Variants in NDUFA13 observed in about 807,000 individuals in gnomAD.
NDUFA13 encodes the protein NADH dehydrogenase [ubiquinone] 1 alpha subcomplex subunit 13.
Under a neutral mutation model 17.0 loss-of-function variants are expected in NDUFA13, and 16 were observed. The observed-to-expected ratio is 0.94, with a 90% CI of 0.64 to 1.43. The LOEUF (loss-of-function observed/expected upper bound fraction) is 1.43. Among genes scored for constraint, NDUFA13 ranks in the 40% most tolerant of loss-of-function variants. The pLI is 0.00. For missense variants in NDUFA13, 228 were observed against 206.7 expected (o/e 1.10, Z -0.63); for synonymous variants, 87 against 78.4 (o/e 1.11, Z -0.58).
At chr19:19,519,331 G>A (rs980575151) in intron 1 of NDUFA13, among the ~76,000 whole-genome samples, 8 of 152,130 alleles carry the variant, frequency 5.3e-5, no homozygotes, top group African/African-American at 1.9e-4. Flanking sequence ...GGCTCCCTGA[G>A]CTCCCTGCTT....
chr19:19,524,862 T>C (rs1431856632), intron 1 of NDUFA13, among the ~76,000 whole-genome samples: 1 of 151,650 alleles, frequency 6.6e-6, no homozygotes, highest in Non-Finnish European at 1.5e-5. Flanking sequence ...CTGGGCAATA[T>C]AGCAAGACCC....
At chr19:19,519,825 C>A (rs1471915542) in intron 1 of NDUFA13, among the ~76,000 whole-genome samples, 1 of 152,158 alleles carries the variant, frequency 6.6e-6, no homozygotes, top group Non-Finnish European at 1.5e-5. Flanking sequence ...CAGTGGCCTT[C>A]CCACCAGACC....
chr19:19,516,792 AT>A (rs939243345), intron 1 of NDUFA13, among the ~76,000 whole-genome samples: 29 of 147,994 alleles, frequency 2.0e-4, no homozygotes, highest in African/African-American at 3.4e-4. Flanking sequence ...TAAATTTTCA[AT>A]TTTTTTTTTT....
At position 19,528,000 on chromosome 19, in the gene NDUFA13, C is replaced by A; in HGVS notation, c.316-7C>A. On this transcript the variant is annotated splice_region_variant and splice_polypyrimidine_tract_variant and intron_variant, in intron 4 of 4. Transcript: ENST00000507754. ...GTGCCTCTACCCATACCCCACTGTC[C>A]CCACAGGTGGGGGAGTCTGTGTTCC... 6.2e-7 allele frequency: 1 copy of A among 1,612,596 alleles called. No individual in the cohort carries two copies. The highest frequency in any genetic ancestry group is 1.1e-5 in the South Asian group (1 of 90,994).
intron 1 of NDUFA13, among the ~76,000 whole-genome samples, chr19:19,523,076 T>C (rs2144641944): frequency 6.6e-6 from 1 of 152,386 alleles, no homozygotes; most frequent in East Asian, 1.9e-4. Flanking sequence ...TCAACTTTGT[T>C]CTTTTTCAAA....
intron 1 of NDUFA13, among the ~76,000 whole-genome samples, chr19:19,517,223 TAA>T (rs2061053732): frequency 6.6e-6 from 1 of 151,776 alleles, no homozygotes; most frequent in Non-Finnish European, 1.5e-5. Context: ...AAACGTAATC[TAA>T]GAGTGAATAC....
At chr19:19,522,230 G>A (rs1025669539) in intron 1 of NDUFA13, among the ~76,000 whole-genome samples, 1 of 151,720 alleles carries the variant, frequency 6.6e-6, no homozygotes, top group African/African-American at 2.4e-5. Context: ...GCGTGAACCC[G>A]GGAGGCGGAG....
In NDUFA13 at chr19:19,521,894, G is replaced by T. The variant is rs149294832; in HGVS notation, c.95-4288G>T. On this transcript the variant is annotated intron_variant, in intron 1 of 4. Coordinates refer to ENST00000507754, the MANE Select transcript of NDUFA13 (RefSeq NM_015965.7). ...TGGGATTACAGGTGTGAGCCACTGC[G>T]CCCGGCTTAGTAGGGTTTTTTAAAT... Among the ~76,000 whole-genome samples the T allele has an allele frequency of 1.9e-4, 29 of 152,208 alleles. No homozygotes were observed. The East Asian group carries it at 5.2e-3, about 27-fold the overall frequency.
intron 1 of NDUFA13, among the ~76,000 whole-genome samples, chr19:19,518,122 TA>T (rs1158640419): frequency 4.1e-3 from 561 of 136,938 alleles, no homozygotes; most frequent in East Asian, 0.016. Context: ...TACCAAAAAT[TA>T]AAAAAAAAAA....
chr19:19,528,060 G>T lies in NDUFA13; in HGVS notation c.369G>T (p.Glu123Asp). The stretch of plus-strand genomic sequence containing the variant: ...GCTGGGTGCCCCCCTTGATCGGGGA[G>T]CTGTACGGGCTGCGCACCACAGAGG... ...TTRWVPPLIG[E>D]LYGLRTTEEA... is the part of the protein sequence containing the mutation. Residue 123 changes from glutamate (E) to aspartate (D), a missense_variant, in exon 5 of 5, where the codon GAG becomes GAT. Physicochemically the swap from Glu to Asp is conservative, Grantham distance 45. Transcript: ENST00000507754. 6.2e-7 allele frequency: 1 copy of T among 1,612,082 alleles called. No homozygotes were observed. The highest frequency in any genetic ancestry group is 1.1e-5 in the South Asian group (1 of 90,932).
At position 19,527,363 on chromosome 19, in the gene NDUFA13, A is replaced by T; in HGVS notation, c.245+11A>T. On this transcript the variant is annotated intron_variant, in intron 3 of 4. Transcript: ENST00000507754. Reference sequence around the variant, plus strand: ...AGAAACCGACCGGAGGTAGCACCGCAGGGGCCAAGGTTGGGAGGTCACTGG... The same window carrying T: ...AGAAACCGACCGGAGGTAGCACCGCTGGGGCCAAGGTTGGGAGGTCACTGG... 1 of 1,613,690 alleles carries T rather than the reference A, an allele frequency of 6.2e-7. No homozygotes were observed.
chr19:19,522,348 G>C (rs1378920083), intron 1 of NDUFA13, among the ~76,000 whole-genome samples: 1 of 151,698 alleles, frequency 6.6e-6, no homozygotes, highest in Non-Finnish European at 1.5e-5. Flanking sequence ...TCCAATTTCT[G>C]TATTTTTCCT....
At chr19:19,527,799 C>T (rs1228312154) in intron 4 of NDUFA13, 29 bp downstream of exon 4, 2 of 1,547,994 alleles carry the variant, frequency 1.3e-6, no homozygotes, top group South Asian at 2.4e-5. Context: ...GGCAGAGGTG[C>T]CAGCCACGGC....
chr19:19,516,830 C>T (rs1490626832), intron 1 of NDUFA13, among the ~76,000 whole-genome samples: 1 of 152,160 alleles, frequency 6.6e-6, no homozygotes, highest in Non-Finnish European at 1.5e-5. Context: ...TCTTGTTGCC[C>T]AGGCTGGAGT....
chr19:19,527,670 C>T (rs1413492432), intron 3 of NDUFA13, 31 bp from the exon 4 acceptor site: 2 of 1,534,706 alleles, frequency 1.3e-6, no homozygotes, highest in Non-Finnish European at 1.8e-6. Flanking sequence ...GCACTGAGGC[C>T]CCACCCCCAC....
chr19:19,519,814 A>T (rs2061068162), intron 1 of NDUFA13, among the ~76,000 whole-genome samples: 1 of 144,998 alleles, frequency 6.9e-6, no homozygotes, highest in South Asian at 2.2e-4. Flanking sequence ...GCCATGGTCC[A>T]CAGTGGCCTT....
intron 1 of NDUFA13, among the ~76,000 whole-genome samples, chr19:19,518,313 C>G (rs2061059485): frequency 6.6e-6 from 1 of 151,952 alleles, no homozygotes; most frequent in South Asian, 2.1e-4. Context: ...TGGCTCACTG[C>G]AACCTCCACC....
In NDUFA13 at chr19:19,516,654, G is replaced by A. The variant is rs771591152; in HGVS notation, c.94+322G>A. ...GATGGGGAAACTGAGGCCCAAAGAA[G>A]GCCGCGGCTCCCCAAGGCAAAGCTG... is the stretch of plus-strand genomic sequence containing the variant. On this transcript the variant is annotated intron_variant, in intron 1 of 4. Coordinates refer to ENST00000507754, the MANE Select transcript of NDUFA13 (RefSeq NM_015965.7). 2.0e-4 allele frequency among the ~76,000 whole-genome samples: 31 copies of A among 152,246 alleles called. 1 individual carries two copies. Among genetic ancestry groups the A allele is most frequent in the Non-Finnish European group, 4.1e-4 (28 of 68,038 alleles).
chr19:19,523,931 AAAAAT>A (rs1199412466), intron 1 of NDUFA13, among the ~76,000 whole-genome samples: 3 of 152,206 alleles, frequency 2.0e-5, no homozygotes, highest in Non-Finnish European at 2.9e-5. Flanking sequence ...CTTTGTCTCA[AAAAAT>A]AAAATAAAAT....
Sources: allele counts gnomAD v4.1 joint callset (sites outside exome capture counted in the v4.1 genomes callset), GRCh38; gene constraint gnomAD v4.1.1; transcripts MANE v1.5; gene names NCBI Gene and HGNC (gene_info 2026-07-23, HGNC 2026-07-21).